Variants in GPR180 observed in about 807,000 individuals in gnomAD.
GPR180 encodes integral membrane protein GPR180.
In GPR180, 53 loss-of-function variants were observed where a neutral mutation model predicts 52.6. The ratio of observed to expected loss-of-function variants is 1.01; its 90% CI spans 0.81 to 1.27. The LOEUF (loss-of-function observed/expected upper bound fraction) is 1.27, where lower values mean the gene tolerates loss of function less well. GPR180 is among the 50% of genes most tolerant of loss of function. GPR180 has a pLI of 0.00. For missense variants in GPR180, 533 were observed against 527.0 expected (o/e 1.01, Z -0.11); for synonymous variants, 200 against 193.1 (o/e 1.04, Z -0.30).
intron 6 of GPR180, among the ~76,000 whole-genome samples, chr13:94,622,795 G>A (rs746700609): frequency 1.1e-3 from 171 of 152,190 alleles, no homozygotes; most frequent in Admixed American, 3.8e-3. Flanking sequence ...GGCTGGTCTC[G>A]AACTCCTGAC....
chr13:94,602,934 C>G (rs550890773), intron 1 of GPR180, among the ~76,000 whole-genome samples: 1 of 151,986 alleles, frequency 6.6e-6, no homozygotes, highest in South Asian at 2.1e-4. Flanking sequence ...CAGTCTTTAG[C>G]ATTAAAAGAT....
intron 1 of GPR180, 107 bp downstream of exon 1, chr13:94,602,179 G>A: frequency 9.2e-7 from 1 of 1,086,450 alleles, no homozygotes; most frequent in Non-Finnish European, 1.2e-6. Context: ...GGCGAGGCCG[G>A]CGACTTCCCC....
Position 94,627,611 on chromosome 13 carries a change from TG to T in GPR180, c.*441del. The T allele has an allele frequency of 6.5e-6, 1 of 154,092 alleles. No individual in the cohort carries two copies. Among genetic ancestry groups the T allele is most frequent in the African/African-American group, 2.4e-5 (1 of 41,616 alleles). The allele number at this position is 154,092 out of a possible 1,614,324, so 9.5% of individuals were successfully genotyped here. A position where few individuals can be genotyped will look rare whatever the true frequency, so the allele number is the denominator to read the frequency against. On this transcript the variant is annotated 3_prime_UTR_variant, in exon 9 of 9. Transcript: ENST00000376958. ...GTAATACATTGATTTTTAAAACTGC[TG>T]CTTTTTATGCTTTAAGGAAAATGTA... is the stretch of plus-strand genomic sequence containing the variant.
intron 1 of GPR180, 85 bp from the exon 2 acceptor site, chr13:94,605,306 T>G: frequency 8.2e-7 from 1 of 1,216,338 alleles, no homozygotes; most frequent in South Asian, 1.3e-5. Flanking sequence ...AATTTCCATT[T>G]TGGTAAGTAG....
chr13:94,612,105 C>A (rs1889713693), intron 2 of GPR180, 85 bp from the exon 3 acceptor site: 2 of 1,043,704 alleles, frequency 1.9e-6, no homozygotes, highest in Non-Finnish European at 2.9e-6. Context: ...AAAAGATTGT[C>A]CTAACCTCAA....
chr13:94,602,289 C>T (rs2139561555), intron 1 of GPR180, among the ~76,000 whole-genome samples: 1 of 152,336 alleles, frequency 6.6e-6, no homozygotes, highest in South Asian at 2.1e-4. Flanking sequence ...CAGGCAGCGG[C>T]CTCTCGCCAC....
chr13:94,603,508 C>T (rs959215747), intron 1 of GPR180, among the ~76,000 whole-genome samples: 1 of 152,056 alleles, frequency 6.6e-6, no homozygotes, highest in Non-Finnish European at 1.5e-5. Context: ...ATAGTTATTA[C>T]CAATTTTCAT....
rs1284254696 is a variant in GPR180, at chr13:94,634,597, A to T, written c.*7426A>T. On this transcript the variant is annotated 3_prime_UTR_variant, in exon 9 of 9. Coordinates refer to ENST00000376958, the MANE Select transcript of GPR180 (RefSeq NM_180989.6). ...TTCTAATTTTGTTCCCAGTCACCTA[A>T]CTGAATTCTTCTAACAGTTGTAATA... is the stretch of plus-strand genomic sequence containing the variant. The T allele has an allele frequency of 2.0e-5, 3 of 152,082 alleles. No homozygotes were observed. Among genetic ancestry groups the T allele is most frequent in the Non-Finnish European group, 1.5e-5 (1 of 68,020 alleles). The allele number at this position is 152,082 out of a possible 1,614,324, so 9.4% of individuals were successfully genotyped here. A position where few individuals can be genotyped will look rare whatever the true frequency, so the allele number is the denominator to read the frequency against.
chr13:94,628,208 C>T lies in GPR180; in HGVS notation c.*1037C>T, dbSNP rs538367229. On this transcript the variant is annotated 3_prime_UTR_variant, in exon 9 of 9. Coordinates refer to ENST00000376958, the MANE Select transcript of GPR180 (RefSeq NM_180989.6). ...TTCTAAGTAGTTGCCATCTTGAATC[C>T]TTTGTAATAAAGCCATACTTTTGTG... 3.9e-4 allele frequency: 60 copies of T among 152,524 alleles called. No homozygotes were observed. The highest frequency in any genetic ancestry group is 1.3e-3 in the African/African-American group (55 of 41,522). 9.4% of individuals were successfully genotyped at this position (152,524 alleles called of 1,614,324 possible). A position where few individuals can be genotyped will look rare whatever the true frequency, so the allele number is the denominator to read the frequency against.
Position 94,602,095 on chromosome 13 carries a change from G to A in GPR180, c.145+23G>A, listed in dbSNP as rs961934436. Reference sequence around the variant, plus strand: ...ATGGTAGGTCTGGGGGCGGGGAGGGGGATGAAGGCGCGCTGGCCCATCCCG... The same window carrying A: ...ATGGTAGGTCTGGGGGCGGGGAGGGAGATGAAGGCGCGCTGGCCCATCCCG... On this transcript the variant is annotated intron_variant, in intron 1 of 8. Coordinates refer to ENST00000376958, the MANE Select transcript of GPR180 (RefSeq NM_180989.6). The A allele has an allele frequency of 3.0e-6, 4 of 1,315,962 alleles. No homozygotes were observed. The African/African-American group carries it at 6.1e-5, about 20-fold the overall frequency. 81.5% of individuals were successfully genotyped at this position (1,315,962 alleles called of 1,614,324 possible).
At chr13:94,612,888 A>G (rs1218419574) in intron 3 of GPR180, among the ~76,000 whole-genome samples, 2 of 152,180 alleles carry the variant, frequency 1.3e-5, no homozygotes, top group African/African-American at 2.4e-5. Context: ...TTGTTTGAAC[A>G]GATTTAGGGA....
chr13:94,633,572 TA>T lies in GPR180; in HGVS notation c.*6402del, dbSNP rs1207953095. On this transcript the variant is annotated 3_prime_UTR_variant, in exon 9 of 9. Coordinates refer to ENST00000376958, the MANE Select transcript of GPR180 (RefSeq NM_180989.6). ...TCTATTGGGTTGGTTGTCTTTTTCT[TA>T]TTGATTTGTTAAAACTCTTTATAAC... 2 of 152,158 alleles carry T rather than the reference TA, an allele frequency of 1.3e-5. No individual in the cohort carries two copies. The highest frequency in any genetic ancestry group is 3.8e-4 in the East Asian group (2 of 5,196). The allele number at this position is 152,158 out of a possible 1,614,324, so 9.4% of individuals were successfully genotyped here.
rs1889963127 is a variant in GPR180, at chr13:94,629,158, A to G, written c.*1987A>G. 1 of 152,190 alleles carries G rather than the reference A, an allele frequency of 6.6e-6. No homozygotes were observed. Among genetic ancestry groups the G allele is most frequent in the Admixed American group, 6.5e-5 (1 of 15,282 alleles). 9.4% of individuals were successfully genotyped at this position (152,190 alleles called of 1,614,324 possible). On this transcript the variant is annotated 3_prime_UTR_variant, in exon 9 of 9. Transcript: ENST00000376958. ...TGACTAGTAATCAGGGACAAAATTT[A>G]TAGTTCATAAGTCATGACACAGTAT...
At chr13:94,619,096 A>G (rs886686003) in intron 3 of GPR180, 54 bp from the exon 4 acceptor site, 6 of 1,434,818 alleles carry the variant, frequency 4.2e-6, no homozygotes, top group Admixed American at 1.9e-5. Context: ...AAGCAGCCCA[A>G]TACGATAACT....
rs1889981251 is a variant in GPR180 at position 94,630,475 on chromosome 13, A to G, written c.*3304A>G. ...AATTATTTCAAAAAGTTTAAAAATC[A>G]TATAAATCAGATCAAACTACTACTT... On this transcript the variant is annotated 3_prime_UTR_variant, in exon 9 of 9. Coordinates refer to ENST00000376958, the MANE Select transcript of GPR180 (RefSeq NM_180989.6). The G allele has an allele frequency of 6.6e-6, 1 of 152,384 alleles. No individual in the cohort carries two copies. The highest frequency in any genetic ancestry group is 2.4e-5 in the African/African-American group (1 of 41,588). The allele number at this position is 152,384 out of a possible 1,614,324, so 9.4% of individuals were successfully genotyped here.
chr13:94,633,294 T>C lies in GPR180; in HGVS notation c.*6123T>C, dbSNP rs1245450994. 6.6e-6 allele frequency: 1 copy of C among 152,056 alleles called. No homozygotes were observed. Among genetic ancestry groups the C allele is most frequent in the Non-Finnish European group, 1.5e-5 (1 of 68,010 alleles). The allele number at this position is 152,056 out of a possible 1,614,324, so 9.4% of individuals were successfully genotyped here. A position where few individuals can be genotyped will look rare whatever the true frequency, so the allele number is the denominator to read the frequency against. ...TGAAGTTTGGCTTAACTTCAGGCAG[T>C]TGGTGTCAGAAGCCATTGCAAATAT... On this transcript the variant is annotated 3_prime_UTR_variant, in exon 9 of 9. Coordinates refer to ENST00000376958, the MANE Select transcript of GPR180 (RefSeq NM_180989.6).
chr13:94,601,884 C>T lies in GPR180; in HGVS notation c.-44C>T, dbSNP rs1055277814. The T allele has an allele frequency of 4.0e-5, 54 of 1,340,570 alleles. No homozygotes were observed. Among genetic ancestry groups the T allele is most frequent in the Admixed American group, 3.0e-4 (8 of 26,342 alleles). 83.0% of individuals were successfully genotyped at this position (1,340,570 alleles called of 1,614,324 possible). On this transcript the variant is annotated 5_prime_UTR_variant, in exon 1 of 9. Transcript: ENST00000376958. ...CTGCCGACGTGGGGCGGGCAGCCGC[C>T]GGCGGCTGGGAGCCGAGGCGTCGGT...
At chr13:94,624,885 G>T (rs1352521751) in intron 7 of GPR180, among the ~76,000 whole-genome samples, 2 of 151,068 alleles carry the variant, frequency 1.3e-5, no homozygotes, top group Admixed American at 1.3e-4. Context: ...AGGCTGTAGT[G>T]CAGTGGTGCG....
intron 6 of GPR180, among the ~76,000 whole-genome samples, chr13:94,622,872 G>A (rs931771328): frequency 2.0e-5 from 3 of 152,160 alleles, no homozygotes; most frequent in Non-Finnish European, 4.4e-5. Context: ...ACTGTGCCCG[G>A]CAGCAATAGA....
Sources: allele counts gnomAD v4.1 joint callset (sites outside exome capture counted in the v4.1 genomes callset), GRCh38; gene constraint gnomAD v4.1.1; transcripts MANE v1.5; gene names NCBI Gene and HGNC (gene_info 2026-07-23, HGNC 2026-07-21).